The following WBP1L variants were observed in gnomAD, a reference collection of about 807,000 sequenced individuals.
WBP1L encodes WW domain binding protein 1-like.
Under a neutral mutation model 33.7 loss-of-function variants are expected in WBP1L, and 17 were observed. That is an observed-to-expected ratio of 0.50 (90% CI 0.34 to 0.76). The LOEUF is 0.76. Ranked by LOEUF, WBP1L falls within the 30% of genes least tolerant of loss-of-function variation. The probability of loss-of-function intolerance (pLI) is 0.01; values close to 1 mark genes in which losing one functional copy is unlikely to be tolerated. For synonymous variants in WBP1L, 173 were observed against 190.8 expected (o/e 0.91, Z 0.77); for missense variants, 389 against 469.4 (o/e 0.83, Z 1.58).
Position 102,777,808 on chromosome 10 carries a change from G to A in WBP1L, c.91-20185G>A, listed in dbSNP as rs184167014. ...TCGAACTCCTGACCTCCGGTGATCC[G>A]GCCACCTCAGCCTCCCGAAGTGCTA... On this transcript the variant is annotated intron_variant, in intron 1 of 3. Coordinates refer to ENST00000448841, the MANE Select transcript of WBP1L (RefSeq NM_001083913.2). Among the ~76,000 whole-genome samples, 398 of 152,058 alleles carry A rather than the reference G, an allele frequency of 2.6e-3. 2 individuals carry two copies. The highest frequency in any genetic ancestry group is 9.2e-3 in the African/African-American group (383 of 41,484).
intron 2 of WBP1L, among the ~76,000 whole-genome samples, chr10:102,798,792 A>G (rs1843610280): frequency 6.6e-6 from 1 of 152,206 alleles, no homozygotes; most frequent in South Asian, 2.1e-4. Flanking sequence ...CTAGATGGTC[A>G]CTATGCCATT....
intron 1 of WBP1L, among the ~76,000 whole-genome samples, chr10:102,777,093 G>A (rs533660003): frequency 1.3e-5 from 2 of 152,316 alleles, no homozygotes; most frequent in South Asian, 2.1e-4. Flanking sequence ...TGTGGAATGA[G>A]AGAACAGTAG....
At chr10:102,795,083 T>G (rs756889053) in intron 1 of WBP1L, among the ~76,000 whole-genome samples, 6 of 152,208 alleles carry the variant, frequency 3.9e-5, no homozygotes, top group Non-Finnish European at 5.9e-5. Flanking sequence ...TTCAACTTTA[T>G]GGTGGTGCAA....
rs139747225 is a variant in WBP1L at position 102,762,140 on chromosome 10, G to A, written c.90+17997G>A. ...AGTGCTAAGATTACAGACAGGAGCC[G>A]CTACAGCTGGCCATCTTTTAGTGGT... On this transcript the variant is annotated intron_variant, in intron 1 of 3. Coordinates refer to ENST00000448841, the MANE Select transcript of WBP1L (RefSeq NM_001083913.2). 2.8e-4 allele frequency among the ~76,000 whole-genome samples: 43 copies of A among 152,210 alleles called. 1 individual carries two copies. Among genetic ancestry groups the A allele is most frequent in the African/African-American group, 4.1e-4 (17 of 41,540 alleles).
intron 1 of WBP1L, among the ~76,000 whole-genome samples, chr10:102,784,606 T>C (rs1328055094): frequency 1.3e-5 from 2 of 151,794 alleles, no homozygotes; most frequent in East Asian, 3.9e-4. Flanking sequence ...TTTGTATTTT[T>C]AGTAGAGACG....
At chr10:102,783,143 G>A (rs909523412) in intron 1 of WBP1L, among the ~76,000 whole-genome samples, 1 of 152,098 alleles carries the variant, frequency 6.6e-6, no homozygotes, top group African/African-American at 2.4e-5. Context: ...AGGCTGGGGC[G>A]GACCGCCAGC....
In WBP1L at chr10:102,805,607, G is replaced by A. The variant is rs559214695; in HGVS notation, c.194-4286G>A. The stretch of plus-strand genomic sequence containing the variant: ...GAGAATGTACTTTTAAAATTTTAAA[G>A]TTTGGCCATCTCTGGTATTTCACAC... On this transcript the variant is annotated intron_variant, in intron 2 of 3. Transcript: ENST00000448841. 6.6e-5 allele frequency among the ~76,000 whole-genome samples: 10 copies of A among 152,166 alleles called. No homozygotes were observed. The South Asian group carries it at 2.1e-3, about 32-fold the overall frequency.
At chr10:102,793,679 T>C (rs1243615056) in intron 1 of WBP1L, among the ~76,000 whole-genome samples, 1 of 152,142 alleles carries the variant, frequency 6.6e-6, no homozygotes, top group African/African-American at 2.4e-5. Flanking sequence ...AGAATAATGT[T>C]GATAGTAGGA....
chr10:102,764,508 G>A (rs1160926443), intron 1 of WBP1L, among the ~76,000 whole-genome samples: 2 of 152,138 alleles, frequency 1.3e-5, no homozygotes, highest in African/African-American at 4.8e-5. Context: ...GCCTGGAAGT[G>A]CAGGGTTTCA....
At position 102,758,136 on chromosome 10, in the gene WBP1L, C is replaced by T. The variant is rs111538516; in HGVS notation, c.90+13993C>T. Among the ~76,000 whole-genome samples the T allele has an allele frequency of 2.7e-3, 413 of 152,072 alleles. 1 individual carries two copies. The highest frequency in any genetic ancestry group is 8.9e-3 in the African/African-American group (369 of 41,514). The stretch of plus-strand genomic sequence containing the variant: ...CTGACCTCATGTGATCCACCCGCCT[C>T]GGCCTCCCAAAGTACTGGGATTACA... On this transcript the variant is annotated intron_variant, in intron 1 of 3. Transcript: ENST00000448841.
At chr10:102,799,291 A>G (rs12359921) in intron 2 of WBP1L, among the ~76,000 whole-genome samples, 1 of 151,508 alleles carries the variant, frequency 6.6e-6, no homozygotes, top group Non-Finnish European at 1.5e-5. Context: ...GCGCCACTGC[A>G]CTCCAGCCTG....
chr10:102,810,748 G>A (rs1298545423), intron 3 of WBP1L, among the ~76,000 whole-genome samples: 1 of 151,414 alleles, frequency 6.6e-6, no homozygotes, highest in East Asian at 1.9e-4. Context: ...TGTGTTTTTA[G>A]TAGAGACAGG....
intron 1 of WBP1L, among the ~76,000 whole-genome samples, chr10:102,779,739 A>T (rs964585002): frequency 1.3e-5 from 2 of 152,222 alleles, no homozygotes; most frequent in Admixed American, 6.5e-5. Context: ...CGGCATGGAA[A>T]TAATTACAAG....
intron 1 of WBP1L, among the ~76,000 whole-genome samples, chr10:102,789,212 C>T (rs1236083465): frequency 2.6e-5 from 4 of 152,156 alleles, no homozygotes. Flanking sequence ...ATCCACCTGC[C>T]TCAGCCTCCC....
At chr10:102,776,323 C>G in intron 1 of WBP1L, 3 of 1,613,684 alleles carry the variant, frequency 1.9e-6, no homozygotes, top group Middle Eastern at 3.3e-4. Flanking sequence ...AGGGGCAATG[C>G]TCATTCCAAG....
At chr10:102,805,109 A>AC in intron 2 of WBP1L, among the ~76,000 whole-genome samples, 1 of 150,836 alleles carries the variant, frequency 6.6e-6, no homozygotes, top group East Asian at 2.0e-4. Context: ...AAGTGAGACC[A>AC]CCCCCCTATA....
At chr10:102,792,502 CCTT>C (rs1055374357) in intron 1 of WBP1L, among the ~76,000 whole-genome samples, 4 of 152,142 alleles carry the variant, frequency 2.6e-5, no homozygotes, top group African/African-American at 9.7e-5. Flanking sequence ...TCTACCATCT[CCTT>C]CTAGCCAAAA....
intron 1 of WBP1L, among the ~76,000 whole-genome samples, chr10:102,785,677 T>A (rs1270118412): frequency 6.6e-6 from 1 of 152,230 alleles, no homozygotes; most frequent in Non-Finnish European, 1.5e-5. Context: ...TAGGCTAAAC[T>A]GCCCCTCTGC....
intron 1 of WBP1L, among the ~76,000 whole-genome samples, chr10:102,792,956 G>A (rs190302461): frequency 6.6e-6 from 1 of 152,296 alleles, no homozygotes; most frequent in East Asian, 1.9e-4. Context: ...CCCAGAAGCT[G>A]TTCTGGACCT....
Sources: allele counts gnomAD v4.1 joint callset (sites outside exome capture counted in the v4.1 genomes callset), GRCh38; gene constraint gnomAD v4.1.1; transcripts MANE v1.5; gene names NCBI Gene and HGNC (gene_info 2026-07-23, HGNC 2026-07-21).